The following GPC5 variants were observed in gnomAD, a reference collection of about 807,000 sequenced individuals.
GPC5 encodes the protein glypican-5.
GPC5 carries 47 observed loss-of-function variants against 53.9 expected under a neutral mutation model. The ratio of observed to expected loss-of-function variants is 0.87; its 90% confidence interval spans 0.69 to 1.11. The LOEUF (loss-of-function observed/expected upper bound fraction) is 1.11, where lower values mean the gene tolerates loss of function less well. Ranked by LOEUF, GPC5 falls within the 50% of genes most tolerant of loss-of-function variation. The probability of loss-of-function intolerance (pLI) is 0.00; values close to 1 mark genes in which losing one functional copy is unlikely to be tolerated. For missense variants in GPC5, 748 were observed against 713.1 expected (o/e 1.05, Z -0.56); for synonymous variants, 286 against 263.3 (o/e 1.09, Z -0.84).
At chr13:92,661,612 T>C (rs1424469636) in intron 7 of GPC5, among the ~76,000 whole-genome samples, 4 of 152,210 alleles carry the variant, frequency 2.6e-5, no homozygotes, top group Non-Finnish European at 5.9e-5. Flanking sequence ...CTGTAATAAT[T>C]TAAATATTCT....
chr13:91,893,766 C>T (rs58927889), intron 5 of GPC5, among the ~76,000 whole-genome samples: 28,217 of 151,916 alleles, frequency 0.19, 2,959 homozygotes, highest in African/African-American at 0.3. Flanking sequence ...TCTCCCCTAC[C>T]TCCTTTTTTT....
At chr13:92,386,812 T>G (rs1443393721) in intron 7 of GPC5, among the ~76,000 whole-genome samples, 1 of 152,092 alleles carries the variant, frequency 6.6e-6, no homozygotes, top group Non-Finnish European at 1.5e-5. Context: ...TCTAATCCGG[T>G]TAAAAACTTA....
At chr13:92,790,634 G>A (rs71427600) in intron 7 of GPC5, among the ~76,000 whole-genome samples, 1 of 152,058 alleles carries the variant, frequency 6.6e-6, no homozygotes, top group Non-Finnish European at 1.5e-5. Context: ...AAAGGAGATG[G>A]AATACTTTTC....
chr13:92,081,966 TATAA>T (rs1230123876), intron 6 of GPC5, among the ~76,000 whole-genome samples: 2 of 152,124 alleles, frequency 1.3e-5, no homozygotes, highest in Non-Finnish European at 2.9e-5. Flanking sequence ...CCAAGAAAGT[TATAA>T]ATAGATAGAA....
chr13:91,478,822 T>TATATATACAC (rs1323023652), intron 2 of GPC5, among the ~76,000 whole-genome samples: 1 of 92,164 alleles, frequency 1.1e-5, no homozygotes, highest in African/African-American at 5.2e-5. Flanking sequence ...TATATATATA[T>TATATATACAC]ACACACACAC....
chr13:91,791,648 G>A (rs2037966385), intron 5 of GPC5, among the ~76,000 whole-genome samples: 1 of 151,576 alleles, frequency 6.6e-6, no homozygotes, highest in East Asian at 1.9e-4. Flanking sequence ...ACAATTACAT[G>A]TTGATGTTTA....
chr13:92,736,872 A>G (rs553943758), intron 7 of GPC5, among the ~76,000 whole-genome samples: 1 of 152,042 alleles, frequency 6.6e-6, no homozygotes, highest in Admixed American at 6.6e-5. Flanking sequence ...TGATTAATGA[A>G]TTGAATTAAT....
intron 2 of GPC5, among the ~76,000 whole-genome samples, chr13:91,485,433 G>C (rs112458772): frequency 0.071 from 10,849 of 152,190 alleles, 472 homozygotes; most frequent in Non-Finnish European, 0.097. Context: ...GGCCAGGCTG[G>C]TCTCGAACTC....
At chr13:92,381,798 G>GATACATAA (rs1175234424) in intron 7 of GPC5, among the ~76,000 whole-genome samples, 2 of 143,002 alleles carry the variant, frequency 1.4e-5, no homozygotes, top group Admixed American at 1.4e-4. Flanking sequence ...GATATATATA[G>GATACATAA]ATACATAGAT....
intron 7 of GPC5, among the ~76,000 whole-genome samples, chr13:92,821,104 C>T (rs1275483735): frequency 6.6e-6 from 1 of 152,120 alleles, no homozygotes; most frequent in Non-Finnish European, 1.5e-5. Context: ...GACATTGTGT[C>T]CACTGTTTCC....
At chr13:91,900,562 A>G (rs921954966) in intron 5 of GPC5, among the ~76,000 whole-genome samples, 11 of 152,110 alleles carry the variant, frequency 7.2e-5, no homozygotes, top group African/African-American at 2.7e-4. Context: ...CTTTGAATCA[A>G]ATTAGGATAA....
At chr13:91,631,007 T>G (rs1266789478) in intron 2 of GPC5, among the ~76,000 whole-genome samples, 4 of 152,156 alleles carry the variant, frequency 2.6e-5, no homozygotes, top group Non-Finnish European at 1.5e-5. Flanking sequence ...GCCTGATTCT[T>G]CTGTCTAACT....
chr13:91,688,425 G>A (rs188620849), intron 2 of GPC5, among the ~76,000 whole-genome samples: 27 of 152,094 alleles, frequency 1.8e-4, no homozygotes, highest in African/African-American at 6.3e-4. Flanking sequence ...ATAAAAATAT[G>A]TATATTACAT....
intron 7 of GPC5, among the ~76,000 whole-genome samples, chr13:92,517,259 A>C (rs904805945): frequency 1.3e-5 from 2 of 152,242 alleles, no homozygotes; most frequent in Admixed American, 1.3e-4. Context: ...GGGACAGGGC[A>C]TAGCCAAACA....
At chr13:91,951,809 A>C (rs1381216013) in intron 6 of GPC5, among the ~76,000 whole-genome samples, 3 of 152,138 alleles carry the variant, frequency 2.0e-5, no homozygotes, top group Non-Finnish European at 4.4e-5. Context: ...TGGTCTAAAA[A>C]ATGTATGTTG....
At position 92,132,711 on chromosome 13, in the gene GPC5, C is replaced by T. The variant is rs573446028; in HGVS notation, c.1402-12119C>T. On this transcript the variant is annotated intron_variant, in intron 6 of 7. Transcript: ENST00000377067. ...TAATGATTCCATTTAAACTTGATTA[C>T]CTCTGTAAAGACCCTATTTCTAAAG... Among the ~76,000 whole-genome samples, 8 of 152,138 alleles carry T rather than the reference C, an allele frequency of 5.3e-5. No homozygotes were observed. In the South Asian group the frequency reaches 1.7e-3, roughly 31 times the overall value.
At chr13:91,528,303 C>T (rs1285309600) in intron 2 of GPC5, among the ~76,000 whole-genome samples, 1 of 152,184 alleles carries the variant, frequency 6.6e-6, no homozygotes, top group African/African-American at 2.4e-5. Context: ...TTAGAAATTT[C>T]TTCTGCCAGA....
chr13:91,812,957 T>C (rs2038337068), intron 5 of GPC5, among the ~76,000 whole-genome samples: 3 of 152,190 alleles, frequency 2.0e-5, no homozygotes, highest in Admixed American at 2.0e-4. Flanking sequence ...ATGAAGTCTG[T>C]ATTCATTGTC....
intron 2 of GPC5, among the ~76,000 whole-genome samples, chr13:91,581,326 A>G (rs1372148522): frequency 6.6e-6 from 1 of 152,206 alleles, no homozygotes; most frequent in East Asian, 1.9e-4. Flanking sequence ...AAGAAATATA[A>G]CACTATTTTG....
Sources: gnomAD v4.1 joint callset for allele counts (sites outside exome capture counted in the v4.1 genomes callset) on GRCh38, gnomAD v4.1.1 for gene constraint, MANE v1.5 for transcripts, NCBI Gene and HGNC (gene_info 2026-07-23, HGNC 2026-07-21) for gene names.